The following BMS1 variants were observed in gnomAD, a reference collection of about 807,000 sequenced individuals.
BMS1 encodes ribosome biogenesis protein BMS1 homolog.
A neutral mutation model predicts 138.7 loss-of-function variants in BMS1; 53 were observed. That is an observed-to-expected ratio of 0.38 (90% CI 0.31 to 0.48). The LOEUF (loss-of-function observed/expected upper bound fraction) is 0.48, where lower values mean the gene tolerates loss of function less well. Among genes scored for constraint, BMS1 ranks in the 20% least tolerant of loss-of-function variants. The pLI, the probability that BMS1 is intolerant of heterozygous loss-of-function variation, is 0.97. For missense variants in BMS1, 1,360 were observed against 1,565.5 expected, an observed-to-expected ratio of 0.87 and a Z score of 2.22; for synonymous variants, 504 against 539.9, an observed-to-expected ratio of 0.93 and a Z score of 0.92.
At chr10:42,823,545 T>G in intron 20 of BMS1, 64 bp from the exon 21 acceptor site, 1 of 1,415,418 alleles carries the variant, frequency 7.1e-7, no homozygotes, top group Non-Finnish European at 9.3e-7. Flanking sequence ...TATTCTTTGT[T>G]TCTTCGCAAT....
chr10:42,813,368 G>C (rs533664447), intron 13 of BMS1, among the ~76,000 whole-genome samples: 17 of 151,950 alleles, frequency 1.1e-4, no homozygotes, highest in African/African-American at 4.1e-4. Flanking sequence ...CCTCCATCTT[G>C]ATCTATTTCT....
intron 13 of BMS1, among the ~76,000 whole-genome samples, chr10:42,806,813 A>T (rs1404596229): frequency 6.6e-6 from 1 of 152,012 alleles, no homozygotes; most frequent in African/African-American, 2.4e-5. Context: ...TCCTAATTAA[A>T]CTTTTAAGTT....
Position 42,792,625 on chromosome 10 carries a change from G to C in BMS1, c.901+11G>C. ...AAATTCACATGCCAGGTATTCTCTT[G>C]TTGTAGAACATACTAGAATTACACA... On this transcript the variant is annotated intron_variant, in intron 7 of 22. Coordinates refer to ENST00000374518, the MANE Select transcript of BMS1 (RefSeq NM_014753.4). 1 of 1,602,862 alleles carries C rather than the reference G, an allele frequency of 6.2e-7. No homozygotes were observed. Among genetic ancestry groups the C allele is most frequent in the South Asian group, 1.1e-5 (1 of 90,454 alleles).
At chr10:42,830,803 T>G in intron 22 of BMS1, 63 bp from the exon 23 acceptor site, 1 of 1,410,644 alleles carries the variant, frequency 7.1e-7, no homozygotes, top group East Asian at 2.4e-5. Flanking sequence ...GTCTTAGTGC[T>G]TAGGATGCGA....
intron 13 of BMS1, among the ~76,000 whole-genome samples, chr10:42,806,103 C>A (rs965898579): frequency 5.9e-5 from 9 of 152,134 alleles, no homozygotes; most frequent in African/African-American, 1.9e-4. Flanking sequence ...GTAAATACTT[C>A]TTACTATCCC....
chr10:42,792,256 C>T (rs1345673824), intron 6 of BMS1, among the ~76,000 whole-genome samples: 3 of 152,178 alleles, frequency 2.0e-5, no homozygotes, highest in Admixed American at 1.3e-4. Flanking sequence ...CCCAGGTGGA[C>T]GTCATCTCCC....
intron 21 of BMS1, among the ~76,000 whole-genome samples, chr10:42,825,422 A>T (rs1310712246): frequency 2.6e-5 from 4 of 152,206 alleles, no homozygotes; most frequent in Non-Finnish European, 4.4e-5. Flanking sequence ...AATTCTTCTG[A>T]TCCATAAACA....
chr10:42,787,696 G>A (rs1175372358), intron 4 of BMS1, among the ~76,000 whole-genome samples: 1 of 152,188 alleles, frequency 6.6e-6, no homozygotes, highest in Non-Finnish European at 1.5e-5. Flanking sequence ...ATGAAATAGA[G>A]CCTGCCAGCA....
intron 9 of BMS1, among the ~76,000 whole-genome samples, chr10:42,795,097 C>T (rs7082457): frequency 0.11 from 12,249 of 115,172 alleles, 1,002 homozygotes; most frequent in Non-Finnish European, 0.16. Flanking sequence ...ATGAACTCAT[C>T]CTTTTTTATG....
At position 42,831,897 on chromosome 10, in the gene BMS1, GATGT is replaced by G. The variant is rs1278870177; in HGVS notation, c.*808_*811del. 1.3e-5 allele frequency: 2 copies of G among 152,010 alleles called. No homozygotes were observed. Among genetic ancestry groups the G allele is most frequent in the African/African-American group, 4.8e-5 (2 of 41,356 alleles). The allele number at this position is 152,010 out of a possible 1,614,324, so 9.4% of individuals were successfully genotyped here. On this transcript the variant is annotated 3_prime_UTR_variant, in exon 23 of 23. Coordinates refer to ENST00000374518, the MANE Select transcript of BMS1 (RefSeq NM_014753.4). ...GAAGTAATCATACTATTACATAGGC[GATGT>G]ATGTATTTTATGATTGTATGTTGAT...
intron 13 of BMS1, among the ~76,000 whole-genome samples, chr10:42,808,253 G>A (rs1372566181): frequency 6.7e-6 from 1 of 149,260 alleles, no homozygotes; most frequent in Non-Finnish European, 1.5e-5. Context: ...GCCTTTCACA[G>A]AGCAGAAGTT....
At chr10:42,817,807 G>A (rs1842391730) in intron 15 of BMS1, among the ~76,000 whole-genome samples, 1 of 152,202 alleles carries the variant, frequency 6.6e-6, no homozygotes, top group African/African-American at 2.4e-5. Flanking sequence ...GAGACAGTGT[G>A]TTCATTTCAG....
intron 13 of BMS1, among the ~76,000 whole-genome samples, chr10:42,808,440 A>G (rs1163690392): frequency 1.3e-5 from 2 of 151,608 alleles, no homozygotes; most frequent in Non-Finnish European, 1.5e-5. Context: ...CTGGGACTAC[A>G]GGCGCCCACC....
Position 42,784,519 on chromosome 10 carries a change from C to G in BMS1, c.125C>G (p.Pro42Arg). 1 of 1,613,922 alleles carries G rather than the reference C, an allele frequency of 6.2e-7. No homozygotes were observed. The highest frequency in any genetic ancestry group is 1.1e-5 in the South Asian group (1 of 91,054). ...GDEEDARKRNPKAFAVQSAVR... is the reference protein window; with the variant it reads ...GDEEDARKRNRKAFAVQSAVR... The stretch of plus-strand genomic sequence containing the variant: ...GAAGAAGATGCCCGGAAGAGAAATC[C>G]CAAAGCTTTTGCAGTTCAGTCTGCT... The change falls in exon 2 of 23, where the codon CCC (proline) becomes CGC (arginine). Residue 42 changes from proline to arginine, a missense_variant. Physicochemically the swap from Pro to Arg is moderately radical, Grantham distance 103. Coordinates refer to ENST00000374518, the MANE Select transcript of BMS1 (RefSeq NM_014753.4).
At chr10:42,786,661 A>C (rs907430172) in intron 3 of BMS1, among the ~76,000 whole-genome samples, 2 of 151,824 alleles carry the variant, frequency 1.3e-5, no homozygotes, top group African/African-American at 4.8e-5. Flanking sequence ...CCTGGGCTCA[A>C]GGGATCCGCC....
At chr10:42,805,439 C>G (rs1841986568) in intron 13 of BMS1, among the ~76,000 whole-genome samples, 1 of 152,122 alleles carries the variant, frequency 6.6e-6, no homozygotes, top group African/African-American at 2.4e-5. Flanking sequence ...AAACTTTAGT[C>G]TCCTTTTCAA....
intron 15 of BMS1, among the ~76,000 whole-genome samples, chr10:42,818,532 G>T (rs982546472): frequency 1.3e-5 from 2 of 152,206 alleles, no homozygotes; most frequent in Non-Finnish European, 2.9e-5. Context: ...GGATTTCCTG[G>T]TGGACTGAAT....
intron 18 of BMS1, among the ~76,000 whole-genome samples, chr10:42,821,576 A>G (rs1293236422): frequency 9.6e-6 from 1 of 104,316 alleles, no homozygotes; most frequent in Admixed American, 1.4e-4. Context: ...TTTTTGAGAC[A>G]GAGTCTCACT....
At chr10:42,788,289 A>G (rs1056249827) in intron 4 of BMS1, among the ~76,000 whole-genome samples, 49 of 152,286 alleles carry the variant, frequency 3.2e-4, no homozygotes, top group African/African-American at 1.2e-3. Flanking sequence ...TTTCTCTTTT[A>G]TTTAAAATGT....
Sources: gnomAD v4.1 joint callset for allele counts (sites outside exome capture counted in the v4.1 genomes callset) on GRCh38, gnomAD v4.1.1 for gene constraint, MANE v1.5 for transcripts, NCBI Gene and HGNC (gene_info 2026-07-23, HGNC 2026-07-21) for gene names.